The following SYT10 variants were observed in gnomAD, a reference collection of about 807,000 sequenced individuals.
SYT10 encodes synaptotagmin 10.
In SYT10, 31 loss-of-function variants were observed where a neutral mutation model predicts 51.1. The ratio of observed to expected loss-of-function variants is 0.61; its 90% CI spans 0.46 to 0.82. The LOEUF is 0.82. Among genes scored for constraint, SYT10 ranks in the 40% least tolerant of loss-of-function variants. The probability of loss-of-function intolerance (pLI) is 0.00; values close to 1 mark genes in which losing one functional copy is unlikely to be tolerated. For missense variants in SYT10, 603 were observed against 634.0 expected (o/e 0.95, Z 0.53); for synonymous variants, 233 against 225.9 (o/e 1.03, Z -0.28).
chr12:33,394,778 T>G (rs1297922751), intron 3 of SYT10, among the ~76,000 whole-genome samples: 1 of 152,220 alleles, frequency 6.6e-6, no homozygotes, highest in African/African-American at 2.4e-5. Flanking sequence ...TACTTTACTC[T>G]GTGGCTTTAC....
intron 1 of SYT10, among the ~76,000 whole-genome samples, chr12:33,431,798 A>G (rs1269808611): frequency 6.6e-6 from 1 of 152,172 alleles, no homozygotes; most frequent in East Asian, 1.9e-4. Flanking sequence ...TCAACCTTAT[A>G]AGTCAAATTT....
At position 33,407,342 on chromosome 12, in the gene SYT10, C is replaced by A; in HGVS notation, c.524G>T (p.Arg175Leu). 6.2e-7 allele frequency: 1 copy of A among 1,604,474 alleles called. No homozygotes were observed. The highest frequency in any genetic ancestry group is 1.7e-5 in the Admixed American group (1 of 59,998). The change falls in exon 3 of 7, where the codon CGA becomes CTA. Residue 175 changes from arginine (R) to leucine (L), a missense_variant. Arg to Leu is a moderately radical substitution (Grantham distance 102). Transcript: ENST00000228567. Reference protein sequence around the residue: ...PTSSTRHSSFRRHLPRQMQVS... With the variant: ...PTSSTRHSSFLRHLPRQMQVS... ...CTGCATTTGCCTCGGCAGGTGTCTT[C>A]GGAAGGAACTGTGGCTGAACACACA... is the stretch of plus-strand genomic sequence containing the variant.
chr12:33,406,627 G>A (rs945524272), intron 3 of SYT10, among the ~76,000 whole-genome samples, 162 bp downstream of exon 3: 2 of 152,036 alleles, frequency 1.3e-5, no homozygotes, highest in African/African-American at 4.8e-5. Flanking sequence ...TCAGCATTAG[G>A]TGCCTGAATT....
chr12:33,417,861 T>C (rs1866468274), intron 2 of SYT10, among the ~76,000 whole-genome samples: 1 of 152,066 alleles, frequency 6.6e-6, no homozygotes, highest in East Asian at 1.9e-4. Flanking sequence ...GGAAAAAAAA[T>C]AATATCAAAG....
intron 2 of SYT10, among the ~76,000 whole-genome samples, chr12:33,408,530 C>G (rs1866378716): frequency 6.6e-6 from 1 of 152,178 alleles, no homozygotes; most frequent in African/African-American, 2.4e-5. Flanking sequence ...CTGGCACGAA[C>G]TGTGCCAAAC....
chr12:33,439,660 G>C lies in SYT10; in HGVS notation c.-138C>G. 9.1e-7 allele frequency: 1 copy of C among 1,098,358 alleles called. No individual in the cohort carries two copies. The highest frequency in any genetic ancestry group is 1.3e-6 in the Non-Finnish European group (1 of 780,284). The allele number at this position is 1,098,358 out of a possible 1,614,324, so 68.0% of individuals were successfully genotyped here. A position where few individuals can be genotyped will look rare whatever the true frequency, so the allele number is the denominator to read the frequency against. On this transcript the variant is annotated 5_prime_UTR_variant, in exon 1 of 7. Transcript: ENST00000228567. Reference sequence around the variant, plus strand: ...GCTGGAGATTGCGCCGCTGAGAGCCGGCAACTCTTAGGAGCCCCACGTTGG... The same window carrying C: ...GCTGGAGATTGCGCCGCTGAGAGCCCGCAACTCTTAGGAGCCCCACGTTGG...
At chr12:33,424,095 C>G in intron 2 of SYT10, 1 of 430,070 alleles carries the variant, frequency 2.3e-6, no homozygotes, top group South Asian at 1.7e-5. Context: ...TGCAGTTTTT[C>G]CTCTTACAAA....
At position 33,426,327 on chromosome 12, in the gene SYT10, A is replaced by C; in HGVS notation, c.320T>G (p.Val107Gly). The change falls in exon 2 of 7, where the codon GTT (valine) becomes GGT (glycine). Residue 107 changes from valine (V) to glycine (G), a missense_variant. Val to Gly is a moderately radical substitution (Grantham distance 109). Transcript: ENST00000228567. ...TTCTTTTTTCTCTTCAGTCTCAAAAACTTCAGTAGGAGCACTTGAAATGCT... is the reference window on the plus strand; with the variant it reads ...TTCTTTTTTCTCTTCAGTCTCAAAACCTTCAGTAGGAGCACTTGAAATGCT... ...PQSISSAPTE[V>G]FETEEKKEIK... 6.2e-7 allele frequency: 1 copy of C among 1,614,028 alleles called. No homozygotes were observed. Among genetic ancestry groups the C allele is most frequent in the Non-Finnish European group, 8.5e-7 (1 of 1,179,988 alleles).
intron 3 of SYT10, among the ~76,000 whole-genome samples, chr12:33,393,145 A>G (rs766276236): frequency 6.6e-6 from 1 of 152,142 alleles, no homozygotes; most frequent in Non-Finnish European, 1.5e-5. Flanking sequence ...GCCTTAAAAC[A>G]ATCCTTCCTT....
chr12:33,383,202 AC>A (rs1450986862), intron 4 of SYT10, among the ~76,000 whole-genome samples: 3 of 152,146 alleles, frequency 2.0e-5, no homozygotes, highest in African/African-American at 7.2e-5. Context: ...TTACTTTTGC[AC>A]CTTTTATTCA....
chr12:33,399,177 TA>T (rs964439508), intron 3 of SYT10, among the ~76,000 whole-genome samples: 20 of 152,334 alleles, frequency 1.3e-4, no homozygotes, highest in Admixed American at 6.5e-4. Context: ...ATGACTAAAA[TA>T]CGGTTGGGAG....
rs1477343421 is a variant in SYT10 at position 33,439,701 on chromosome 12, G to C, written c.-179C>G. 3 of 708,846 alleles carry C rather than the reference G, an allele frequency of 4.2e-6. No homozygotes were observed. Among genetic ancestry groups the C allele is most frequent in the Admixed American group, 6.7e-5 (2 of 29,642 alleles). 43.9% of individuals were successfully genotyped at this position (708,846 alleles called of 1,614,324 possible). Reference sequence around the variant, plus strand: ...CCCACGTTGGCCCCATGGCGGGAGCGGAGGGCGTAGGGGAAGGAGAGGCGC... The same window carrying C: ...CCCACGTTGGCCCCATGGCGGGAGCCGAGGGCGTAGGGGAAGGAGAGGCGC... On this transcript the variant is annotated 5_prime_UTR_variant, in exon 1 of 7. Coordinates refer to ENST00000228567, the MANE Select transcript of SYT10 (RefSeq NM_198992.4).
At chr12:33,385,135 A>G (rs569377010) in intron 4 of SYT10, 36 bp downstream of exon 4, 1 of 1,603,186 alleles carries the variant, frequency 6.2e-7, no homozygotes, top group South Asian at 1.1e-5. Flanking sequence ...TTCATTTGAG[A>G]TTGTGCCCTT....
chr12:33,378,380 C>A (rs1866083723), intron 6 of SYT10, among the ~76,000 whole-genome samples: 1 of 152,140 alleles, frequency 6.6e-6, no homozygotes, highest in South Asian at 2.1e-4. Flanking sequence ...CATAAAGCAC[C>A]TTTCTCTCAT....
At chr12:33,414,976 G>A (rs1349285139) in intron 2 of SYT10, among the ~76,000 whole-genome samples, 5 of 152,168 alleles carry the variant, frequency 3.3e-5, no homozygotes, top group East Asian at 1.9e-4. Flanking sequence ...ATGTAAAGAC[G>A]GAGCTGCTCT....
At chr12:33,392,952 G>C (rs1039165252) in intron 3 of SYT10, among the ~76,000 whole-genome samples, 1 of 106,878 alleles carries the variant, frequency 9.4e-6, no homozygotes, top group South Asian at 3.5e-4. Flanking sequence ...ATAACTACTA[G>C]TTTGGTGCAA....
At chr12:33,397,838 G>C (rs141491397) in intron 3 of SYT10, among the ~76,000 whole-genome samples, 13 of 152,200 alleles carry the variant, frequency 8.5e-5, no homozygotes, top group African/African-American at 2.9e-4. Flanking sequence ...GGCTTCCCAG[G>C]CAGAAACAGG....
intron 3 of SYT10, among the ~76,000 whole-genome samples, chr12:33,401,264 A>C (rs1184641146): frequency 6.6e-6 from 1 of 152,048 alleles, no homozygotes; most frequent in African/African-American, 2.4e-5. Flanking sequence ...ACTGAATATG[A>C]ATATGTATTT....
intron 1 of SYT10, 89 bp downstream of exon 1, chr12:33,439,283 G>T: frequency 1.4e-6 from 2 of 1,478,754 alleles, no homozygotes; most frequent in East Asian, 2.3e-5. Flanking sequence ...CGCGGGAGCG[G>T]CGCGGGAGGC....
Sources: gnomAD v4.1 joint callset for allele counts (sites outside exome capture counted in the v4.1 genomes callset) on GRCh38, gnomAD v4.1.1 for gene constraint, MANE v1.5 for transcripts, NCBI Gene and HGNC (gene_info 2026-07-23, HGNC 2026-07-21) for gene names.